Variants in LAMB4 observed in about 807,000 individuals in gnomAD.
LAMB4 encodes the protein laminin subunit beta 4.
A neutral mutation model predicts 199.2 loss-of-function variants in LAMB4; 196 were observed. The observed-to-expected ratio is 0.98, with a 90% CI of 0.88 to 1.11. The LOEUF is 1.11. Ranked by LOEUF, LAMB4 falls within the 50% of genes least tolerant of loss-of-function variation. The probability of loss-of-function intolerance (pLI) is 0.00; values close to 1 mark genes in which losing one functional copy is unlikely to be tolerated. For synonymous variants in LAMB4, 744 were observed against 770.6 expected (o/e 0.97, Z 0.57); for missense variants, 2,080 against 2,171.2 (o/e 0.96, Z 0.83).
Position 108,062,821 on chromosome 7 carries a change from A to T in LAMB4, c.3235T>A (p.Ser1079Thr), listed in dbSNP as rs745704581. ...WNLVPGRGCQ[S>T]CDCDPRTSQS... ...GAGGTCCTAGGGTCACAGTCACATG[A>T]CTGACATCCTCTGCCAGGGACCAGA... The change falls in exon 23 of 34, where the codon TCA becomes ACA. Residue 1079 changes from serine (S) to threonine (T), a missense_variant. Transcript: ENST00000388781. The T allele has an allele frequency of 9.7e-6, 15 of 1,544,682 alleles. No homozygotes were observed. Among genetic ancestry groups the T allele is most frequent in the Non-Finnish European group, 1.3e-5 (15 of 1,146,642 alleles).
intron 29 of LAMB4, among the ~76,000 whole-genome samples, chr7:108,037,901 A>G (rs892113438): frequency 6.6e-6 from 1 of 152,232 alleles, no homozygotes; most frequent in Non-Finnish European, 1.5e-5. Context: ...GATTTATTAT[A>G]AGTACATACT....
At chr7:108,047,877 CTT>C (rs2035684259) in intron 28 of LAMB4, 29 bp downstream of exon 28, 1 of 1,573,462 alleles carries the variant, frequency 6.4e-7, no homozygotes, top group Non-Finnish European at 8.7e-7. Context: ...ATTGCTATAA[CTT>C]TACAAATAAA....
chr7:108,123,005 A>T (rs2038652579), intron 2 of LAMB4, 126 bp downstream of exon 2: 5 of 749,352 alleles, frequency 6.7e-6, no homozygotes, highest in Non-Finnish European at 1.0e-5. Context: ...TTACACAACA[A>T]CAACAGAATA....
chr7:108,019,553 G>A (rs892535550), downstream of LAMB4, among the ~76,000 whole-genome samples: 16 of 152,030 alleles, frequency 1.1e-4, no homozygotes, highest in Admixed American at 1.0e-3. Flanking sequence ...TCCCACAAAC[G>A]ACAAACAACT....
At chr7:108,040,661 A>T (rs1247809119) in intron 29 of LAMB4, among the ~76,000 whole-genome samples, 1 of 152,236 alleles carries the variant, frequency 6.6e-6, no homozygotes, top group Non-Finnish European at 1.5e-5. Context: ...GAAATGGGGA[A>T]AAGACTCCCT....
At chr7:108,028,559 C>T (rs2034918894) in intron 33 of LAMB4, among the ~76,000 whole-genome samples, 1 of 150,634 alleles carries the variant, frequency 6.6e-6, no homozygotes, top group African/African-American at 2.4e-5. Context: ...TCACTGCAAC[C>T]TCTGCCTCCC....
At position 108,047,919 on chromosome 7, in the gene LAMB4, A is replaced by G. The variant is rs1472227787; in HGVS notation, c.4315T>C (p.Leu1439=). The change falls in exon 28 of 34, where the codon TTG becomes CTG. Residue 1439 remains leucine, a synonymous_variant. Transcript: ENST00000388781. ...GAGAAGATATTTACCTGATTTTTCA[A>G]CCCACGAACCTGTTTGTCCAAATTA... ...IRNLDKQVRG[L]KNQIESISEQ... 6.2e-7 allele frequency: 1 copy of G among 1,613,742 alleles called. No individual in the cohort carries two copies. The highest frequency in any genetic ancestry group is 8.5e-7 in the Non-Finnish European group (1 of 1,179,690).
At chr7:108,051,693 C>T (rs2035832465) in intron 26 of LAMB4, among the ~76,000 whole-genome samples, 1 of 151,678 alleles carries the variant, frequency 6.6e-6, no homozygotes. Context: ...TTTTTTTTGC[C>T]TCACATTCCA....
At chr7:108,042,157 G>A (rs537309088) in intron 29 of LAMB4, among the ~76,000 whole-genome samples, 5 of 152,160 alleles carry the variant, frequency 3.3e-5, no homozygotes, top group African/African-American at 7.2e-5. Context: ...GCAAGAGGTC[G>A]GTGGAGGGCA....
Position 108,106,008 on chromosome 7 carries a change from T to C in LAMB4, c.679A>G (p.Arg227Gly), listed in dbSNP as rs1278029388. The change falls in exon 8 of 34, where the codon AGG (arginine) becomes GGG (glycine). Residue 227 changes from arginine to glycine, a missense_variant. Physicochemically the swap from Arg to Gly is moderately radical, Grantham distance 125. Coordinates refer to ENST00000388781, the MANE Select transcript of LAMB4 (RefSeq NM_007356.3). The stretch of plus-strand genomic sequence containing the variant: ...GTGTGGAGCTTGGTAAAGTTTATCC[T>C]CAGGTTTGTCAATGTCACAAGGTCT... Reference protein sequence around the residue: ...IQDLVTLTNLRINFTKLHTLG... With the variant: ...IQDLVTLTNLGINFTKLHTLG... The C allele has an allele frequency of 1.2e-6, 2 of 1,613,890 alleles. No individual in the cohort carries two copies. Among genetic ancestry groups the C allele is most frequent in the Non-Finnish European group, 8.5e-7 (1 of 1,179,892 alleles).
intron 23 of LAMB4, among the ~76,000 whole-genome samples, chr7:108,062,113 A>G (rs2036181628): frequency 2.0e-5 from 3 of 152,232 alleles, no homozygotes; most frequent in South Asian, 2.1e-4. Flanking sequence ...CACCAAAAAA[A>G]CTAAGCATGT....
chr7:108,109,321 CT>C (rs1441631788), intron 4 of LAMB4, 77 bp from the exon 5 acceptor site: 4 of 1,052,722 alleles, frequency 3.8e-6, no homozygotes, highest in African/African-American at 3.1e-5. Context: ...CCCATTGTGG[CT>C]TATCTGTAAT....
chr7:108,110,120 C>G (rs906270692), intron 4 of LAMB4, among the ~76,000 whole-genome samples: 1 of 152,190 alleles, frequency 6.6e-6, no homozygotes, highest in Admixed American at 6.5e-5. Context: ...ACCTCTGCCT[C>G]CCGGGTCAGG....
intron 28 of LAMB4, among the ~76,000 whole-genome samples, chr7:108,047,129 C>T (rs937940072): frequency 1.3e-5 from 2 of 152,116 alleles, no homozygotes; most frequent in Admixed American, 1.3e-4. Flanking sequence ...TGTAAACAAA[C>T]ATGTCCACAC....
intron 29 of LAMB4, among the ~76,000 whole-genome samples, chr7:108,042,935 CTCTG>C (rs1337585239): frequency 1.0e-4 from 11 of 109,056 alleles, no homozygotes; most frequent in East Asian, 2.2e-4. Context: ...CTCTCTCAAT[CTCTG>C]TGTGTGTGTG....
At position 108,105,972 on chromosome 7, in the gene LAMB4, C is replaced by T. The variant is rs755548150; in HGVS notation, c.715G>A (p.Ala239Thr). 2 of 1,614,206 alleles carry T rather than the reference C, an allele frequency of 1.2e-6. No homozygotes were observed. Among genetic ancestry groups the T allele is most frequent in the South Asian group, 2.2e-5 (2 of 91,086 alleles). Residue 239 changes from alanine (A) to threonine (T), a missense_variant, in exon 8 of 34, where the codon GCT becomes ACT. Ala to Thr is a moderately conservative substitution (Grantham distance 58). Transcript: ENST00000388781. ...TCATTTTGCCTCCTTCCAAGCAAAG[C>T]ATCCCCAAGGGTGTGGAGCTTGGTA... ...NFTKLHTLGD[A>T]LLGRRQNDSL...
chr7:108,014,076 C>A, the LAMB4 span, among the ~76,000 whole-genome samples: 1 of 152,074 alleles, frequency 6.6e-6, no homozygotes, highest in East Asian at 1.9e-4. Flanking sequence ...TGATTTTACT[C>A]TATAATGAAC....
chr7:108,128,199 G>C (rs1436605272), intron 1 of LAMB4, among the ~76,000 whole-genome samples: 2 of 152,118 alleles, frequency 1.3e-5, no homozygotes, highest in Non-Finnish European at 2.9e-5. Flanking sequence ...CGGTTCTCCA[G>C]TGCAGCCTTA....
At chr7:108,128,083 G>T (rs111722311) in intron 1 of LAMB4, among the ~76,000 whole-genome samples, 1 of 152,134 alleles carries the variant, frequency 6.6e-6, no homozygotes, top group African/African-American at 2.4e-5. Context: ...ACAGGGGATC[G>T]AGGTCCTTTG....
Sources: allele counts gnomAD v4.1 joint callset (sites outside exome capture counted in the v4.1 genomes callset), GRCh38; gene constraint gnomAD v4.1.1; transcripts MANE v1.5; gene names NCBI Gene and HGNC (gene_info 2026-07-23, HGNC 2026-07-21).